CDKL5: variants seen among roughly 807,000 people sequenced by gnomAD.
CDKL5 encodes cyclin-dependent kinase-like 5.
CDKL5 carries 8 observed loss-of-function variants against 61.7 expected under a neutral mutation model. The ratio of observed to expected loss-of-function variants is 0.13; its 90% CI spans 0.08 to 0.23. The LOEUF is 0.23. CDKL5 is among the 10% of genes least tolerant of loss of function. CDKL5 has a pLI of 1.00. For missense variants in CDKL5, 440 were observed against 734.5 expected (o/e 0.60, Z 4.63); for synonymous variants, 275 against 272.3 (o/e 1.01, Z -0.10).
Position 18,629,277 on chromosome X carries a change from T to C in CDKL5, c.*520T>C. Reference sequence around the variant, plus strand: ...TTCTAAACTTCCATATTTGATAGGATTTGTAACATTTATTTATAATTAATA... The same window carrying C: ...TTCTAAACTTCCATATTTGATAGGACTTGTAACATTTATTTATAATTAATA... On this transcript the variant is annotated 3_prime_UTR_variant, in exon 18 of 18. Transcript: ENST00000623535. 1 of 668,484 alleles carries C rather than the reference T, an allele frequency of 1.5e-6. No homozygotes were observed. Among genetic ancestry groups the C allele is most frequent in the South Asian group, 7.7e-5 (1 of 12,967 alleles). 55.1% of individuals were successfully genotyped at this position (668,484 alleles called of 1,213,427 possible).
chrX:18,647,604 G>A, intron 20 of CDKL5: 2 of 347,816 alleles, frequency 5.8e-6, no homozygotes, highest in Non-Finnish European at 1.0e-5. Context: ...CTTCACAAGG[G>A]GTGTGTGGAA....
At chrX:18,443,156 C>G (rs1345497192) in intron 1 of CDKL5, among the ~76,000 whole-genome samples, 1 of 111,401 alleles carries the variant, frequency 9.0e-6, no homozygotes, top group Non-Finnish European at 1.9e-5. Flanking sequence ...CAGTTTCTTC[C>G]TTCTTTATTA....
chrX:18,522,233 A>T (rs1232673673), intron 3 of CDKL5, among the ~76,000 whole-genome samples: 1 of 106,495 alleles, frequency 9.4e-6, no homozygotes, highest in African/African-American at 3.4e-5. Flanking sequence ...TCAGTGTGCT[A>T]GTCTTTTACC....
At chrX:18,468,479 T>C (rs1920983915) in intron 1 of CDKL5, among the ~76,000 whole-genome samples, 1 of 112,218 alleles carries the variant, frequency 8.9e-6, no homozygotes, top group Non-Finnish European at 1.9e-5. Flanking sequence ...AAATATGAGT[T>C]CTATACCATT....
At position 18,604,094 on chromosome X, in the gene CDKL5, T is replaced by G; in HGVS notation, c.1170T>G (p.Pro390=). 1.7e-6 allele frequency: 2 copies of G among 1,211,601 alleles called. No homozygotes were observed. Among genetic ancestry groups the G allele is most frequent in the South Asian group, 1.8e-5 (1 of 56,995 alleles). The part of the protein sequence containing the change: ...HTKTYQASSQ[P]GSTSKDLTNN... ...AAACCTACCAAGCAAGCAGCCAGCC[T>G]GGGTCTACCAGCAAAGATCTCACCA... Residue 390 remains proline (P), a synonymous_variant, in exon 12 of 18, where the codon CCT becomes CCG. Coordinates refer to ENST00000623535, the MANE Select transcript of CDKL5 (RefSeq NM_001323289.2).
chrX:18,583,359 G>A (rs1017853731), intron 7 of CDKL5, among the ~76,000 whole-genome samples: 2 of 111,211 alleles, frequency 1.8e-5, no homozygotes, highest in African/African-American at 6.5e-5. Flanking sequence ...GCACTCCTTG[G>A]TCTGACTTGA....
At chrX:18,427,443 C>G (rs1931392410) in intron 1 of CDKL5, among the ~76,000 whole-genome samples, 1 of 109,382 alleles carries the variant, frequency 9.1e-6, no homozygotes, top group African/African-American at 3.3e-5. Context: ...GGGAAAAATT[C>G]CGTTTGGCTC....
chrX:18,597,994 G>A (rs1324779177), intron 10 of CDKL5, among the ~76,000 whole-genome samples: 1 of 111,507 alleles, frequency 9.0e-6, no homozygotes, highest in Non-Finnish European at 1.9e-5. Flanking sequence ...GGAACAGGTA[G>A]AGATATGTAT....
intron 1 of CDKL5, among the ~76,000 whole-genome samples, chrX:18,455,052 A>G (rs1228485707): frequency 9.1e-6 from 1 of 110,378 alleles, no homozygotes; most frequent in Non-Finnish European, 1.9e-5. Flanking sequence ...ATTTTGACGT[A>G]TGTCTAGGAT....
chrX:18,638,636 G>A lies in CDKL5; in HGVS notation c.*9879G>A, dbSNP rs2147185936. Among the ~76,000 whole-genome samples the A allele has an allele frequency of 8.9e-6, 1 of 112,474 alleles. No individual in the cohort carries two copies. The highest frequency in any genetic ancestry group is 3.6e-4 in the South Asian group (1 of 2,742). On this transcript the variant is annotated 3_prime_UTR_variant, in exon 18 of 18. Transcript: ENST00000623535. Reference sequence around the variant, plus strand: ...TCTGCAGATAAATGTCTTATGAATCGTATATCTTACTGTTTATTAAATTCT... The same window carrying A: ...TCTGCAGATAAATGTCTTATGAATCATATATCTTACTGTTTATTAAATTCT...
chrX:18,541,509 A>G (rs1456901173), intron 3 of CDKL5, among the ~76,000 whole-genome samples: 1 of 111,397 alleles, frequency 9.0e-6, no homozygotes, highest in African/African-American at 3.3e-5. Flanking sequence ...TTTTCAATTC[A>G]TAAGGTTTTT....
intron 1 of CDKL5, among the ~76,000 whole-genome samples, chrX:18,463,726 T>C (rs1932340536): frequency 8.9e-6 from 1 of 112,220 alleles, no homozygotes; most frequent in South Asian, 3.6e-4. Context: ...GTGCTGTTAG[T>C]CTGGGGAGAA....
At chrX:18,425,879 C>G (rs1931351372) in intron 1 of CDKL5, among the ~76,000 whole-genome samples, 184 bp downstream of exon 1, 1 of 112,875 alleles carries the variant, frequency 8.9e-6, no homozygotes, top group Non-Finnish European at 1.9e-5. Flanking sequence ...CCGGAGTAGC[C>G]CCTCCTCAGC....
chrX:18,446,207 A>T (rs1043235938), intron 1 of CDKL5, among the ~76,000 whole-genome samples: 2 of 107,200 alleles, frequency 1.9e-5, no homozygotes, highest in Non-Finnish European at 1.9e-5. Flanking sequence ...AAAAAAAAAA[A>T]TTAGCCAGGG....
chrX:18,576,277 A>AAAG (rs1850463572), intron 5 of CDKL5, among the ~76,000 whole-genome samples: 1 of 111,509 alleles, frequency 9.0e-6, no homozygotes, highest in African/African-American at 3.3e-5. Flanking sequence ...AGAAAAAGAA[A>AAAG]AAGAGAAATT....
intron 1 of CDKL5, among the ~76,000 whole-genome samples, chrX:18,450,570 T>TA (rs1322154218): frequency 1.8e-5 from 2 of 111,662 alleles, no homozygotes; most frequent in African/African-American, 6.5e-5. Context: ...TATATATAGT[T>TA]ACATTTTGAG....
At chrX:18,441,289 A>G (rs1321755580) in intron 1 of CDKL5, among the ~76,000 whole-genome samples, 1 of 110,452 alleles carries the variant, frequency 9.1e-6, no homozygotes, top group African/African-American at 3.3e-5. Context: ...GGTGGCACAC[A>G]CCTGTAGTCC....
At chrX:18,509,197 GCACACACACACACACACACACACA>G (rs60516677) in intron 2 of CDKL5, among the ~76,000 whole-genome samples, 1 of 64,314 alleles carries the variant, frequency 1.6e-5, no homozygotes, top group Non-Finnish European at 2.8e-5. Flanking sequence ...CTCAAAACAC[GCACACACACACACACACACACACA>G]CACACACACA....
At chrX:18,651,220 AGTGTGTGT>A (rs3838188) in intron 21 of CDKL5, among the ~76,000 whole-genome samples, 34 of 65,177 alleles carry the variant, frequency 5.2e-4, no homozygotes, top group African/African-American at 1.4e-3. Context: ...GGCAGGAGCA[AGTGTGTGT>A]GTGTGTGTGT....
Sources: allele counts gnomAD v4.1 joint callset (sites outside exome capture counted in the v4.1 genomes callset), GRCh38; gene constraint gnomAD v4.1.1; transcripts MANE v1.5; gene names NCBI Gene and HGNC (gene_info 2026-07-23, HGNC 2026-07-21).